Variants in DENND5B observed in about 807,000 individuals in gnomAD.
The protein encoded by DENND5B is DENN domain-containing protein 5B.
Under a neutral mutation model 140.6 loss-of-function variants are expected in DENND5B, and 34 were observed. The observed-to-expected ratio is 0.24, with a 90% CI of 0.18 to 0.32. DENND5B has a LOEUF of 0.32. DENND5B is among the 10% of genes least tolerant of loss of function. The pLI is 1.00. For missense variants in DENND5B, 1,142 were observed against 1,560.2 expected, an observed-to-expected ratio of 0.73 and a Z score of 4.52; for synonymous variants, 551 against 562.1, an observed-to-expected ratio of 0.98 and a Z score of 0.28.
intron 3 of DENND5B, among the ~76,000 whole-genome samples, chr12:31,471,461 A>ATTTTTTT (rs747862984): frequency 2.4e-4 from 27 of 111,900 alleles, no homozygotes; most frequent in East Asian, 5.1e-4. Flanking sequence ...CCATGCCTGT[A>ATTTTTTT]TTTTTTTTTT....
intron 20 of DENND5B, among the ~76,000 whole-genome samples, chr12:31,388,442 C>T (rs142736488): frequency 1.3e-5 from 2 of 152,140 alleles, no homozygotes; most frequent in African/African-American, 4.8e-5. Context: ...AGAAGAAATA[C>T]AGAACTTAGT....
At chr12:31,439,344 T>C (rs1052976231) in intron 7 of DENND5B, among the ~76,000 whole-genome samples, 1 of 152,168 alleles carries the variant, frequency 6.6e-6, no homozygotes, top group Non-Finnish European at 1.5e-5. Flanking sequence ...CATAAGATTA[T>C]ATATAAGGCA....
intron 17 of DENND5B, chr12:31,396,341 A>T (rs570983680): frequency 7.1e-6 from 1 of 140,978 alleles, no homozygotes; most frequent in East Asian, 2.2e-4. Flanking sequence ...CCTGGCCAGC[A>T]TTTGTTGTTG....
Position 31,452,435 on chromosome 12 carries a change from C to G in DENND5B, c.1134G>C (p.Glu378Asp), listed in dbSNP as rs1275261798. The G allele has an allele frequency of 6.2e-7, 1 of 1,609,944 alleles. No homozygotes were observed. The highest frequency in any genetic ancestry group is 1.3e-5 in the African/African-American group (1 of 74,648). The change falls in exon 5 of 21, where the codon GAG becomes GAC. Residue 378 changes from glutamate to aspartate, a missense_variant. By Grantham distance (45) the Glu-to-Asp change is conservative. Transcript: ENST00000389082. ...CFVDIDNHFI[E>D]LPEEFPQFPN... The stretch of plus-strand genomic sequence containing the variant: ...GGAACTGTGGAAATTCTTCAGGCAA[C>G]TCAATAAAATGGTTGTCAATGTCCA...
intron 1 of DENND5B, among the ~76,000 whole-genome samples, chr12:31,574,915 A>T (rs1949958733): frequency 6.6e-6 from 1 of 152,210 alleles, no homozygotes; most frequent in Non-Finnish European, 1.5e-5. Context: ...GAGAATGACC[A>T]AACAAAATAA....
chr12:31,479,150 A>G (rs1035572757), intron 3 of DENND5B, among the ~76,000 whole-genome samples: 1 of 152,186 alleles, frequency 6.6e-6, no homozygotes, highest in African/African-American at 2.4e-5. Flanking sequence ...TGCAGAGTCA[A>G]CAATTTCATT....
chr12:31,384,762 GTTTT>G lies in DENND5B; in HGVS notation c.*2837_*2840del, dbSNP rs1461148633. The stretch of plus-strand genomic sequence containing the variant: ...GGCCGCAAATCCAACTTTGGCTGCA[GTTTT>G]TTTCTTTTTTTTTTTTTGAGACGGA... On this transcript the variant is annotated 3_prime_UTR_variant, in exon 21 of 21. Coordinates refer to ENST00000389082, the MANE Select transcript of DENND5B (RefSeq NM_144973.4). The G allele has an allele frequency of 1.3e-5, 2 of 151,536 alleles. No individual in the cohort carries two copies. Among genetic ancestry groups the G allele is most frequent in the Admixed American group, 1.3e-4 (2 of 15,204 alleles). 9.4% of individuals were successfully genotyped at this position (151,536 alleles called of 1,614,324 possible).
In DENND5B at chr12:31,387,362, C is replaced by A; in HGVS notation, c.*241G>T. 2.7e-6 allele frequency: 1 copy of A among 371,998 alleles called. No individual in the cohort carries two copies. The highest frequency in any genetic ancestry group is 4.4e-5 in the Admixed American group (1 of 22,858). 23.0% of individuals were successfully genotyped at this position (371,998 alleles called of 1,614,324 possible). A position where few individuals can be genotyped will look rare whatever the true frequency, so the allele number is the denominator to read the frequency against. ...GCATCTTATTAGAGTAATATAATTTCTTAAAGAAGATAGCATATTTACACA... is the reference window on the plus strand; with the variant it reads ...GCATCTTATTAGAGTAATATAATTTATTAAAGAAGATAGCATATTTACACA... On this transcript the variant is annotated 3_prime_UTR_variant, in exon 21 of 21. Coordinates refer to ENST00000389082, the MANE Select transcript of DENND5B (RefSeq NM_144973.4).
chr12:31,533,761 T>A (rs923179315), intron 1 of DENND5B, among the ~76,000 whole-genome samples: 7 of 152,224 alleles, frequency 4.6e-5, no homozygotes, highest in African/African-American at 1.7e-4. Flanking sequence ...CAGGGAGGAC[T>A]ATCCACAGAA....
intron 1 of DENND5B, among the ~76,000 whole-genome samples, chr12:31,573,284 T>C (rs1949886818): frequency 6.6e-6 from 1 of 152,184 alleles, no homozygotes; most frequent in South Asian, 2.1e-4. Flanking sequence ...GAGCAAAAAA[T>C]GTAAGAAGTT....
intron 1 of DENND5B, among the ~76,000 whole-genome samples, chr12:31,587,526 C>CTTTTTTTTTTTTTTTTTTTTTTTTTT: frequency 1.3e-5 from 1 of 74,948 alleles, no homozygotes; most frequent in Admixed American, 2.1e-4. Context: ...CCACAAATAC[C>CTTTTTTTTTTTTTTTTTTTTTTTTTT]TTTTTTTTTT....
chr12:31,392,755 T>C lies in DENND5B; in HGVS notation c.3257-59A>G, dbSNP rs1296400326. 3.4e-5 allele frequency: 49 copies of C among 1,453,254 alleles called. No individual in the cohort carries two copies. In the South Asian group the frequency reaches 5.9e-4, roughly 18 times the overall value. 90.0% of individuals were successfully genotyped at this position (1,453,254 alleles called of 1,614,324 possible). ...GGGAGAGAAATAAACCAAAGTACTA[T>C]GGGACATCAACTGTGTCCACCTAGG... On this transcript the variant is annotated intron_variant, in intron 17 of 20. Transcript: ENST00000389082.
intron 1 of DENND5B, among the ~76,000 whole-genome samples, chr12:31,583,749 G>C (rs1199828693): frequency 6.6e-6 from 1 of 152,120 alleles, no homozygotes; most frequent in East Asian, 1.9e-4. Flanking sequence ...CTGGCATGTG[G>C]AAAGCACTCT....
chr12:31,531,756 G>A (rs966462278), intron 1 of DENND5B, among the ~76,000 whole-genome samples: 15 of 152,028 alleles, frequency 9.9e-5, no homozygotes, highest in African/African-American at 3.6e-4. Context: ...AAATACTGAC[G>A]GACCCTGCAA....
intron 5 of DENND5B, among the ~76,000 whole-genome samples, chr12:31,449,731 G>GTATTTTTT (rs1555149739): frequency 4.4e-5 from 4 of 89,970 alleles, no homozygotes; most frequent in African/African-American, 1.6e-4. Flanking sequence ...ACACAGATTA[G>GTATTTTTT]TTTTTTTTTT....
intron 1 of DENND5B, among the ~76,000 whole-genome samples, chr12:31,550,129 AT>A (rs1307605464): frequency 6.6e-6 from 1 of 151,382 alleles, no homozygotes; most frequent in Admixed American, 6.6e-5. Flanking sequence ...TTTCTTACAT[AT>A]GTATACATGT....
chr12:31,446,118 G>A (rs959731750), intron 6 of DENND5B, among the ~76,000 whole-genome samples: 1 of 151,982 alleles, frequency 6.6e-6, no homozygotes, highest in African/African-American at 2.4e-5. Flanking sequence ...TACACTCCTA[G>A]ACAAGACTGG....
At chr12:31,524,099 A>AGTG (rs1948001635) in intron 1 of DENND5B, among the ~76,000 whole-genome samples, 1 of 149,768 alleles carries the variant, frequency 6.7e-6, no homozygotes, top group Non-Finnish European at 1.5e-5. Flanking sequence ...GCACAATCCA[A>AGTG]GTGGTGACGA....
chr12:31,536,444 TCA>T (rs1178815441), intron 1 of DENND5B, among the ~76,000 whole-genome samples: 1 of 151,960 alleles, frequency 6.6e-6, no homozygotes, highest in African/African-American at 2.4e-5. Context: ...GAAGAATGCA[TCA>T]GAGTTTTTTA....
Sources: allele counts gnomAD v4.1 joint callset (sites outside exome capture counted in the v4.1 genomes callset), GRCh38; gene constraint gnomAD v4.1.1; transcripts MANE v1.5; gene names NCBI Gene and HGNC (gene_info 2026-07-23, HGNC 2026-07-21).